The following MCUR1 variants were observed in gnomAD, a reference collection of about 807,000 sequenced individuals.
MCUR1 encodes the protein MCU regulator 1.
A neutral mutation model predicts 42.0 loss-of-function variants in MCUR1; 37 were observed. The ratio of observed to expected loss-of-function variants is 0.88; its 90% CI spans 0.68 to 1.16. The LOEUF is 1.16. MCUR1 is among the 50% of genes most tolerant of loss of function. MCUR1 has a pLI of 0.00. For synonymous variants in MCUR1, 229 were observed against 196.2 expected (o/e 1.17, Z -1.40); for missense variants, 469 against 468.4 (o/e 1.00, Z -0.01).
chr6:13,787,514 G>A lies in MCUR1; in HGVS notation c.*3295C>T, dbSNP rs1184049846. ...GCTTATTAATGTAGCAGGAGAGCAT[G>A]GAAATCGGAGTTCAGACTCTTTAGA... is the stretch of plus-strand genomic sequence containing the variant. On this transcript the variant is annotated 3_prime_UTR_variant, in exon 9 of 9. Coordinates refer to ENST00000379170, the MANE Select transcript of MCUR1 (RefSeq NM_001031713.4). 1.3e-5 allele frequency: 2 copies of A among 152,200 alleles called. No individual in the cohort carries two copies. Among genetic ancestry groups the A allele is most frequent in the Non-Finnish European group, 2.9e-5 (2 of 68,048 alleles). 9.4% of individuals were successfully genotyped at this position (152,200 alleles called of 1,614,324 possible). A position where few individuals can be genotyped will look rare whatever the true frequency, so the allele number is the denominator to read the frequency against.
intron 6 of MCUR1, among the ~76,000 whole-genome samples, chr6:13,795,626 G>T (rs181247089): frequency 6.6e-6 from 1 of 152,206 alleles, no homozygotes; most frequent in East Asian, 1.9e-4. Context: ...TGATTACCAA[G>T]AACAACCTCC....
In MCUR1 at chr6:13,814,349, G is replaced by C; in HGVS notation, c.81C>G (p.Leu27=). The C allele has an allele frequency of 6.6e-7, 1 of 1,517,662 alleles. No homozygotes were observed. The highest frequency in any genetic ancestry group is 8.8e-7 in the Non-Finnish European group (1 of 1,140,930). The allele number at this position is 1,517,662 out of a possible 1,614,324, so 94.0% of individuals were successfully genotyped here. ...TTTCGCTGCCGCCCGGTCTTCCGCTGAGGCCCACGGGCAAGAAGAGAAGCC... is the reference window on the plus strand; with the variant it reads ...TTTCGCTGCCGCCCGGTCTTCCGCTCAGGCCCACGGGCAAGAAGAGAAGCC... ...RQRLLFLPVG[L]SGRPGGSETS... is the part of the protein sequence containing the mutation. The change falls in exon 1 of 9, where the codon CTC becomes CTG. Residue 27 remains leucine, a synonymous_variant. Coordinates refer to ENST00000379170, the MANE Select transcript of MCUR1 (RefSeq NM_001031713.4).
At chr6:13,812,055 C>T (rs111347308) in intron 1 of MCUR1, among the ~76,000 whole-genome samples, 1,764 of 152,260 alleles carry the variant, frequency 0.012, 32 homozygotes, top group African/African-American at 0.04. Flanking sequence ...CGCCAACTCC[C>T]AGACTCCTCA....
chr6:13,792,254 C>T (rs1028777186), intron 7 of MCUR1, among the ~76,000 whole-genome samples: 2 of 152,146 alleles, frequency 1.3e-5, no homozygotes, highest in African/African-American at 4.8e-5. Flanking sequence ...CCTGCCTTTA[C>T]CTGGACTGTT....
chr6:13,806,530 C>A (rs1317611375), intron 2 of MCUR1, among the ~76,000 whole-genome samples: 2 of 152,190 alleles, frequency 1.3e-5, no homozygotes, highest in Non-Finnish European at 2.9e-5. Context: ...TGAGAAAAGT[C>A]TCCATTCTAT....
chr6:13,813,992 C>T (rs1287156549), intron 1 of MCUR1, 23 bp downstream of exon 1: 1 of 1,230,904 alleles, frequency 8.1e-7, no homozygotes, highest in Non-Finnish European at 1.0e-6. Context: ...CGAGCCCCCT[C>T]TCCTCTCCCG....
intron 1 of MCUR1, among the ~76,000 whole-genome samples, chr6:13,813,524 A>T (rs1760285719): frequency 6.6e-6 from 1 of 152,190 alleles, no homozygotes; most frequent in South Asian, 2.1e-4. Flanking sequence ...GATATATCTC[A>T]CACATCTAGA....
At chr6:13,794,817 C>T (rs1347274571) in intron 6 of MCUR1, among the ~76,000 whole-genome samples, 3 of 152,132 alleles carry the variant, frequency 2.0e-5, no homozygotes, top group Admixed American at 6.5e-5. Context: ...CCCACTTGGG[C>T]GTAGCCATAA....
At position 13,789,218 on chromosome 6, in the gene MCUR1, T is replaced by C. The variant is rs1364122930; in HGVS notation, c.*1591A>G. On this transcript the variant is annotated 3_prime_UTR_variant, in exon 9 of 9. Transcript: ENST00000379170. ...GAGTTAGAGACCAGCCTGGCCAACA[T>C]GGTGAAACCTCATCTCTACTAAAAA... 6.6e-6 allele frequency: 1 copy of C among 152,242 alleles called. No homozygotes were observed. Among genetic ancestry groups the C allele is most frequent in the East Asian group, 1.9e-4 (1 of 5,196 alleles). The allele number at this position is 152,242 out of a possible 1,614,324, so 9.4% of individuals were successfully genotyped here.
chr6:13,797,681 C>T (rs1208948085), intron 6 of MCUR1, among the ~76,000 whole-genome samples: 1 of 149,988 alleles, frequency 6.7e-6, no homozygotes, highest in Non-Finnish European at 1.5e-5. Flanking sequence ...GCACTCCAGC[C>T]TGGGTGACAG....
chr6:13,787,167 A>G lies in MCUR1; in HGVS notation c.*3642T>C, dbSNP rs1454873407. Reference sequence around the variant, plus strand: ...ACAGGCTTGAAAGGAGAAGGCTAGAAGAGGGAAGATTATGTCACTAAGCAT... The same window carrying G: ...ACAGGCTTGAAAGGAGAAGGCTAGAGGAGGGAAGATTATGTCACTAAGCAT... On this transcript the variant is annotated 3_prime_UTR_variant, in exon 9 of 9. Transcript: ENST00000379170. The G allele has an allele frequency of 6.6e-6, 1 of 152,216 alleles. No individual in the cohort carries two copies. Among genetic ancestry groups the G allele is most frequent in the Non-Finnish European group, 1.5e-5 (1 of 68,054 alleles). 9.4% of individuals were successfully genotyped at this position (152,216 alleles called of 1,614,324 possible).
intron 3 of MCUR1, among the ~76,000 whole-genome samples, 160 bp from the exon 4 acceptor site, chr6:13,801,549 A>T (rs538934958): frequency 6.6e-6 from 1 of 152,222 alleles, no homozygotes; most frequent in Admixed American, 6.5e-5. Context: ...AAAGGAAAAG[A>T]AAAAAACAAC....
In MCUR1 at chr6:13,808,850, C is replaced by T. The variant is rs565954927; in HGVS notation, c.416-1806G>A. Among the ~76,000 whole-genome samples, 11 of 152,260 alleles carry T rather than the reference C, an allele frequency of 7.2e-5. No individual in the cohort carries two copies. The South Asian group carries it at 2.3e-3, about 32-fold the overall frequency. On this transcript the variant is annotated intron_variant, in intron 1 of 8. Transcript: ENST00000379170. The stretch of plus-strand genomic sequence containing the variant: ...GGGCTCTCCATTCTAATGCATTGAT[C>T]TATGTGTTTGTCCTTACGCCAGTGC...
intron 1 of MCUR1, among the ~76,000 whole-genome samples, chr6:13,808,362 G>A (rs1267688018): frequency 6.6e-6 from 1 of 152,114 alleles, no homozygotes; most frequent in African/African-American, 2.4e-5. Context: ...TTCTATTACT[G>A]AGCTGTAAGA....
intron 2 of MCUR1, among the ~76,000 whole-genome samples, chr6:13,805,805 T>C (rs1046274866): frequency 7.2e-5 from 11 of 152,344 alleles, no homozygotes; most frequent in South Asian, 2.1e-4. Context: ...TGTCACCATA[T>C]AGAGAATTAT....
At chr6:13,808,383 T>C (rs1413909258) in intron 1 of MCUR1, among the ~76,000 whole-genome samples, 2 of 152,370 alleles carry the variant, frequency 1.3e-5, no homozygotes, top group East Asian at 3.9e-4. Context: ...GTTCTTCATA[T>C]ATTCTAGATA....
intron 8 of MCUR1, 77 bp downstream of exon 8, chr6:13,791,801 T>C (rs1044385478): frequency 1.1e-6 from 1 of 896,554 alleles, no homozygotes; most frequent in African/African-American, 1.7e-5. Flanking sequence ...ATCAATGAAA[T>C]GCAGTATCTG....
At position 13,811,143 on chromosome 6, in the gene MCUR1, C is replaced by T. The variant is rs1760224331; in HGVS notation, c.415+2872G>A. Among the ~76,000 whole-genome samples the T allele has an allele frequency of 2.6e-5, 4 of 152,298 alleles. No individual in the cohort carries two copies. In the South Asian group the frequency reaches 8.3e-4, roughly 32 times the overall value. On this transcript the variant is annotated intron_variant, in intron 1 of 8. Coordinates refer to ENST00000379170, the MANE Select transcript of MCUR1 (RefSeq NM_001031713.4). Reference sequence around the variant, plus strand: ...ACTTTATGGTTCTCTCTGCTTCCTCCACCCAGCTAAGGGAGCAACCTTTAT... The same window carrying T: ...ACTTTATGGTTCTCTCTGCTTCCTCTACCCAGCTAAGGGAGCAACCTTTAT...
rs1759677894 is a variant in MCUR1 at position 13,789,503 on chromosome 6, G to T, written c.*1306C>A. The stretch of plus-strand genomic sequence containing the variant: ...AGGTATGAGAATGTTTTGAACAACA[G>T]AATTAATCCATCTAGATTAGAATGC... On this transcript the variant is annotated 3_prime_UTR_variant, in exon 9 of 9. Coordinates refer to ENST00000379170, the MANE Select transcript of MCUR1 (RefSeq NM_001031713.4). 1 of 152,186 alleles carries T rather than the reference G, an allele frequency of 6.6e-6. No individual in the cohort carries two copies. The highest frequency in any genetic ancestry group is 1.5e-5 in the Non-Finnish European group (1 of 68,034). 9.4% of individuals were successfully genotyped at this position (152,186 alleles called of 1,614,324 possible). A position where few individuals can be genotyped will look rare whatever the true frequency, so the allele number is the denominator to read the frequency against.
Sources: gnomAD v4.1 joint callset for allele counts (sites outside exome capture counted in the v4.1 genomes callset) on GRCh38, gnomAD v4.1.1 for gene constraint, MANE v1.5 for transcripts, NCBI Gene and HGNC (gene_info 2026-07-23, HGNC 2026-07-21) for gene names.